HLCS: variants seen among roughly 807,000 people sequenced by gnomAD.
HLCS encodes biotin--protein ligase.
In HLCS, 53 loss-of-function variants were observed where a neutral mutation model predicts 75.0. The ratio of observed to expected loss-of-function variants is 0.71; its 90% CI spans 0.57 to 0.89. The LOEUF (loss-of-function observed/expected upper bound fraction) is 0.89. HLCS is among the 40% of genes least tolerant of loss of function. The pLI, the probability that HLCS is intolerant of heterozygous loss-of-function variation, is 0.00. For missense variants in HLCS, 966 were observed against 1,074.0 expected, an observed-to-expected ratio of 0.90 and a Z score of 1.41; for synonymous variants, 431 against 428.6, an observed-to-expected ratio of 1.01 and a Z score of -0.07.
intron 4 of HLCS, among the ~76,000 whole-genome samples, chr21:36,936,065 C>T (rs1380508150): frequency 6.6e-6 from 1 of 152,164 alleles, no homozygotes; most frequent in Non-Finnish European, 1.5e-5. Flanking sequence ...AACTTCCTAC[C>T]TTAAATAAAG....
intron 6 of HLCS, among the ~76,000 whole-genome samples, chr21:36,824,262 A>G (rs2061940854): frequency 6.6e-6 from 1 of 152,244 alleles, no homozygotes; most frequent in Admixed American, 6.5e-5. Context: ...ATGCGGCCAT[A>G]AAAAGGAATG....
chr21:36,865,778 T>C (rs2063533913), intron 6 of HLCS, among the ~76,000 whole-genome samples: 1 of 152,222 alleles, frequency 6.6e-6, no homozygotes, highest in Admixed American at 6.5e-5. Context: ...TTATATAACA[T>C]CAGCTACCAC....
chr21:36,771,035 C>T (rs1041335171), intron 6 of HLCS, among the ~76,000 whole-genome samples: 1 of 151,686 alleles, frequency 6.6e-6, no homozygotes, highest in African/African-American at 2.4e-5. Context: ...CTGGCTAACA[C>T]GGTGAAACCC....
intron 6 of HLCS, among the ~76,000 whole-genome samples, chr21:36,877,276 C>T (rs2064018157): frequency 6.6e-6 from 1 of 151,988 alleles, no homozygotes; most frequent in South Asian, 2.1e-4. Flanking sequence ...TGAGTTAAAC[C>T]ATTTGGTTAA....
intron 6 of HLCS, among the ~76,000 whole-genome samples, chr21:36,856,161 A>G (rs2063186283): frequency 6.6e-6 from 1 of 152,242 alleles, no homozygotes; most frequent in African/African-American, 2.4e-5. Context: ...TGATGACCAT[A>G]CAAGTGAGAA....
intron 8 of HLCS, among the ~76,000 whole-genome samples, chr21:36,761,232 C>G (rs139811605): frequency 5.6e-4 from 86 of 152,328 alleles, no homozygotes; most frequent in African/African-American, 1.9e-3. Flanking sequence ...TTGAAAGCCA[C>G]GGAGCTAAAA....
chr21:36,909,052 C>T (rs905061362), intron 5 of HLCS, among the ~76,000 whole-genome samples: 2 of 152,058 alleles, frequency 1.3e-5, no homozygotes, highest in African/African-American at 2.4e-5. Flanking sequence ...AAAAATTAGC[C>T]GGGCGTGGTG....
intron 1 of HLCS, chr21:36,980,991 C>G (rs902648157): frequency 2.0e-5 from 3 of 152,476 alleles, no homozygotes; most frequent in Non-Finnish European, 2.9e-5. Context: ...CCCTACCTGT[C>G]CTTTAGGGCT....
intron 6 of HLCS, chr21:36,852,013 C>T (rs1456983708): frequency 6.6e-6 from 1 of 152,228 alleles, no homozygotes; most frequent in East Asian, 1.9e-4. Flanking sequence ...TGTAGGAATG[C>T]CGGGTGCTCT....
chr21:36,800,219 G>C (rs1304325420), intron 6 of HLCS, among the ~76,000 whole-genome samples: 1 of 152,196 alleles, frequency 6.6e-6, no homozygotes, highest in Admixed American at 6.5e-5. Flanking sequence ...ACTACTTGTT[G>C]ATGCTGGCAG....
chr21:36,982,813 G>A (rs987650659), intron 1 of HLCS, among the ~76,000 whole-genome samples: 4 of 152,098 alleles, frequency 2.6e-5, no homozygotes, highest in African/African-American at 9.7e-5. Flanking sequence ...GGTGGATCAC[G>A]AGGTCAGGAG....
intron 6 of HLCS, among the ~76,000 whole-genome samples, chr21:36,888,903 A>G (rs1343976674): frequency 6.6e-6 from 1 of 152,152 alleles, no homozygotes; most frequent in African/African-American, 2.4e-5. Flanking sequence ...CTGCAAAAAC[A>G]AAAACAAAAC....
intron 5 of HLCS, among the ~76,000 whole-genome samples, chr21:36,926,741 C>CTTTT (rs34057978): frequency 3.9e-5 from 5 of 127,066 alleles, no homozygotes; most frequent in South Asian, 2.6e-4. Flanking sequence ...GTCTTGTTTC[C>CTTTT]TTTTTTTTTT....
intron 6 of HLCS, among the ~76,000 whole-genome samples, chr21:36,777,263 C>T (rs1183939307): frequency 6.8e-6 from 1 of 147,600 alleles, no homozygotes; most frequent in African/African-American, 2.7e-5. Context: ...CCTTCCCCTC[C>T]CCGAACCCTT....
At chr21:36,962,266 C>T (rs1053592921) in intron 1 of HLCS, 96 bp from the exon 2 acceptor site, 130 of 807,478 alleles carry the variant, frequency 1.6e-4, no homozygotes, top group Non-Finnish European at 2.2e-4. Flanking sequence ...CCCTATAATT[C>T]CAAGTGACAT....
chr21:36,823,610 G>GGTTGTGTGTGTGT lies in HLCS; in HGVS notation c.1893-56326_1893-56325insACACACACACAAC, dbSNP rs1555901720. On this transcript the variant is annotated intron_variant, in intron 6 of 10. Transcript: ENST00000674895. ...CCATTTACCAGCTTCAAACGTGCAG[G>GGTTGTGTGTGTGT]GTGTGTGTGTGTGTGTGTGTGTGTG... Among the ~76,000 whole-genome samples, 101 of 132,834 alleles carry GGTTGTGTGTGTGT rather than the reference G, an allele frequency of 7.6e-4. 1 individual carries two copies. The highest frequency in any genetic ancestry group is 2.8e-3 in the African/African-American group (100 of 35,890). The allele number at this position is 132,834 out of a possible 152,430, so 87.1% of individuals were successfully genotyped here.
chr21:36,967,843 C>T (rs1033730806), upstream of HLCS, among the ~76,000 whole-genome samples: 8 of 152,150 alleles, frequency 5.3e-5, no homozygotes, highest in Non-Finnish European at 7.4e-5. Flanking sequence ...CCTCAGCCTC[C>T]CGAGTAGCTG....
chr21:36,953,261 T>C (rs1166277577), intron 2 of HLCS, among the ~76,000 whole-genome samples: 1 of 152,204 alleles, frequency 6.6e-6, no homozygotes, highest in Non-Finnish European at 1.5e-5. Flanking sequence ...CATGCCAAGA[T>C]GGATCACAGT....
chr21:36,776,491 T>C (rs2060362176), intron 6 of HLCS, among the ~76,000 whole-genome samples: 1 of 152,112 alleles, frequency 6.6e-6, no homozygotes, highest in Non-Finnish European at 1.5e-5. Context: ...CTAAGCTCAC[T>C]GCAACCTCCG....
Sources: gnomAD v4.1 joint callset for allele counts (sites outside exome capture counted in the v4.1 genomes callset) on GRCh38, gnomAD v4.1.1 for gene constraint, MANE v1.5 for transcripts, NCBI Gene and HGNC (gene_info 2026-07-23, HGNC 2026-07-21) for gene names.